NXPE4: variants seen among roughly 807,000 people sequenced by gnomAD.
The protein encoded by NXPE4 is neurexophilin and PC-esterase domain family member 4, also known as NXPE family member 4.
A neutral mutation model predicts 33.3 loss-of-function variants in NXPE4; 42 were observed. That is an observed-to-expected ratio of 1.26 (90% CI 0.98 to 1.63). The LOEUF (loss-of-function observed/expected upper bound fraction) is 1.63. Among genes scored for constraint, NXPE4 ranks in the 40% most tolerant of loss-of-function variants. The pLI is 0.00. For missense variants in NXPE4, 709 were observed against 647.6 expected, an observed-to-expected ratio of 1.09 and a Z score of -1.03; for synonymous variants, 253 against 234.9, an observed-to-expected ratio of 1.08 and a Z score of -0.71.
chr11:114,627,704 A>C, the NXPE4 span, among the ~76,000 whole-genome samples: 14 of 152,282 alleles, frequency 9.2e-5, no homozygotes, highest in South Asian at 2.7e-3. Context: ...TAAATGCTCC[A>C]ATTAAAAGAC....
the NXPE4 span, among the ~76,000 whole-genome samples, chr11:114,666,455 C>A: frequency 6.6e-6 from 1 of 152,140 alleles, no homozygotes; most frequent in East Asian, 1.9e-4. Flanking sequence ...AAGTATAAAA[C>A]GTGTATCCTC....
At chr11:114,640,165 TATAA>T in the NXPE4 span, among the ~76,000 whole-genome samples, 4 of 59,790 alleles carry the variant, frequency 6.7e-5, no homozygotes, top group Non-Finnish European at 8.7e-5. Context: ...TAATAATATA[TATAA>T]ATAATTTATA....
intron 4 of NXPE4, among the ~76,000 whole-genome samples, chr11:114,581,058 TA>T (rs1304916080): frequency 1.3e-5 from 2 of 152,224 alleles, no homozygotes; most frequent in Non-Finnish European, 2.9e-5. Flanking sequence ...TCTAGGTACA[TA>T]TTTACACTTC....
chr11:114,605,267 C>T, the NXPE4 span, among the ~76,000 whole-genome samples: 1 of 151,824 alleles, frequency 6.6e-6, no homozygotes, highest in East Asian at 1.9e-4. Context: ...TCGTGGGAAA[C>T]CACTGTTACC....
At chr11:114,633,506 A>T in the NXPE4 span, among the ~76,000 whole-genome samples, 20 of 150,718 alleles carry the variant, frequency 1.3e-4, no homozygotes, top group Admixed American at 8.7e-4. Context: ...GTACATGTGC[A>T]CAATGTGCAG....
chr11:114,639,279 G>T, the NXPE4 span, among the ~76,000 whole-genome samples: 1 of 152,130 alleles, frequency 6.6e-6, no homozygotes, highest in African/African-American at 2.4e-5. Flanking sequence ...GCCAGGTGCA[G>T]GATATAATCT....
At chr11:114,620,268 G>A in the NXPE4 span, among the ~76,000 whole-genome samples, 1 of 134,732 alleles carries the variant, frequency 7.4e-6, no homozygotes. Context: ...GGGTAACTAC[G>A]GTTACCCGGT....
At chr11:114,644,006 T>C in the NXPE4 span, among the ~76,000 whole-genome samples, 1 of 152,190 alleles carries the variant, frequency 6.6e-6, no homozygotes, top group Non-Finnish European at 1.5e-5. Context: ...TTGCTAGGCA[T>C]TTTATTCTCT....
rs771763637 is a variant in NXPE4 at position 114,582,298 on chromosome 11, G to A, written c.820C>T (p.Leu274Phe). ...AGTAATTATTTTTACCTTTCAAAGA[G>A]GCTCTTTTCTTGTTTGCTAAGATAA... ...VSYLSKQEKS[L>F]FERSNVGVEI... Residue 274 changes from leucine to phenylalanine, a missense_variant, in exon 3 of 6, where the codon CTC (leucine) becomes TTC (phenylalanine). Physicochemically the swap from Leu to Phe is conservative, Grantham distance 22. Transcript: ENST00000375478. 1 of 1,572,204 alleles carries A rather than the reference G, an allele frequency of 6.4e-7. No individual in the cohort carries two copies. The highest frequency in any genetic ancestry group is 1.9e-5 in the Admixed American group (1 of 52,542).
chr11:114,664,616 A>G, the NXPE4 span, among the ~76,000 whole-genome samples: 1 of 152,190 alleles, frequency 6.6e-6, no homozygotes, highest in Non-Finnish European at 1.5e-5. Context: ...AGTTACATAT[A>G]TATAATTTTG....
Position 114,580,299 on chromosome 11 carries a change from A to C in NXPE4, c.932T>G (p.Met311Arg), listed in dbSNP as rs766636276. Residue 311 changes from methionine (M) to arginine (R), a missense_variant, in exon 5 of 6, where the codon ATG becomes AGG. By Grantham distance (91) the Met-to-Arg change is moderately conservative. Transcript: ENST00000375478. ...VAMKEKCKFG[M>R]TSTIPSGHVW... Reference sequence around the variant, plus strand: ...ATGCCCACTGGGGATTGTGGATGTCATTCCAAACTTGCATTTCTCTTTCAT... The same window carrying C: ...ATGCCCACTGGGGATTGTGGATGTCCTTCCAAACTTGCATTTCTCTTTCAT... The C allele has an allele frequency of 6.2e-7, 1 of 1,614,114 alleles. No homozygotes were observed. The highest frequency in any genetic ancestry group is 1.7e-5 in the Admixed American group (1 of 60,028).
the NXPE4 span, among the ~76,000 whole-genome samples, chr11:114,617,989 C>T: frequency 6.6e-6 from 1 of 151,998 alleles, no homozygotes; most frequent in African/African-American, 2.4e-5. Flanking sequence ...TAAGTGTTGC[C>T]TCGTGGGTAA....
At chr11:114,639,919 T>A in the NXPE4 span, among the ~76,000 whole-genome samples, 1,127 of 113,764 alleles carry the variant, frequency 9.9e-3, 29 homozygotes, top group Middle Eastern at 0.014. Context: ...AATATAATAT[T>A]ATATTATATA....
chr11:114,677,333 T>G, the NXPE4 span, among the ~76,000 whole-genome samples: 1 of 152,118 alleles, frequency 6.6e-6, no homozygotes, highest in Non-Finnish European at 1.5e-5. Flanking sequence ...TTAGCTTGAT[T>G]GTAGTAATCA....
intron 2 of NXPE4, among the ~76,000 whole-genome samples, chr11:114,586,088 G>T (rs1949290195): frequency 6.6e-6 from 1 of 152,134 alleles, no homozygotes; most frequent in Non-Finnish European, 1.5e-5. Context: ...TACACCTGGG[G>T]TGACCAATCT....
At chr11:114,575,649 T>A (rs2135190996) in intron 5 of NXPE4, among the ~76,000 whole-genome samples, 1 of 151,966 alleles carries the variant, frequency 6.6e-6, no homozygotes, top group African/African-American at 2.4e-5. Flanking sequence ...GCCAAGGATG[T>A]CAAAGACCTC....
chr11:114,636,927 A>G, the NXPE4 span, among the ~76,000 whole-genome samples: 1 of 152,110 alleles, frequency 6.6e-6, no homozygotes, highest in East Asian at 1.9e-4. Context: ...TGCTGAAAAA[A>G]ATGTATATTC....
chr11:114,626,240 AAGAC>A, the NXPE4 span, among the ~76,000 whole-genome samples: 4 of 152,294 alleles, frequency 2.6e-5, no homozygotes, highest in African/African-American at 9.6e-5. Flanking sequence ...GACAAACAAA[AAGAC>A]AGCAGTAACC....
At chr11:114,621,213 G>T in the NXPE4 span, among the ~76,000 whole-genome samples, 3 of 152,118 alleles carry the variant, frequency 2.0e-5, no homozygotes, top group East Asian at 5.8e-4. Flanking sequence ...TGGATAATAA[G>T]TGTTGCCTCA....
Sources: allele counts gnomAD v4.1 joint callset (sites outside exome capture counted in the v4.1 genomes callset), GRCh38; gene constraint gnomAD v4.1.1; transcripts MANE v1.5; gene names NCBI Gene and HGNC (gene_info 2026-07-23, HGNC 2026-07-21).